Variants in NGEF observed in about 807,000 individuals in gnomAD.
NGEF encodes the protein ephexin-1.
A neutral mutation model predicts 80.9 loss-of-function variants in NGEF; 31 were observed. That is an observed-to-expected ratio of 0.38 (90% CI 0.29 to 0.52). The LOEUF is 0.52. Ranked by LOEUF, NGEF falls within the 20% of genes least tolerant of loss-of-function variation. The pLI is 0.84. For synonymous variants in NGEF, 371 were observed against 370.2 expected (o/e 1.00, Z -0.03); for missense variants, 709 against 926.2 (o/e 0.77, Z 3.04).
Position 232,888,112 on chromosome 2 carries a change from G to A in NGEF, c.1273-5C>T. ...TTCTACCCTCTTCAGGATGTTCTATGCACAGAGAAAGGCTGCGTTAACTTT... is the reference window on the plus strand; with the variant it reads ...TTCTACCCTCTTCAGGATGTTCTATACACAGAGAAAGGCTGCGTTAACTTT... On this transcript the variant is annotated splice_region_variant and splice_polypyrimidine_tract_variant and intron_variant, in intron 8 of 14. Transcript: ENST00000264051. 1 of 1,582,592 alleles carries A rather than the reference G, an allele frequency of 6.3e-7. No individual in the cohort carries two copies.
At chr2:232,952,856 C>T (rs1336177180) in intron 3 of NGEF, among the ~76,000 whole-genome samples, 1 of 150,286 alleles carries the variant, frequency 6.7e-6, no homozygotes, top group Non-Finnish European at 1.5e-5. Flanking sequence ...GTAATCCCAG[C>T]TACTCCAGAG....
intron 8 of NGEF, chr2:232,890,974 G>T: frequency 2.1e-6 from 1 of 475,066 alleles, no homozygotes; most frequent in Non-Finnish European, 4.4e-6. Flanking sequence ...TTCCCTCTGC[G>T]TGGAATGTTC....
At chr2:232,977,101 G>A (rs1317934839) in intron 1 of NGEF, among the ~76,000 whole-genome samples, 1 of 152,136 alleles carries the variant, frequency 6.6e-6, no homozygotes, top group African/African-American at 2.4e-5. Context: ...AGTTTAACCT[G>A]GGTCACTGAG....
chr2:232,951,559 C>T (rs1313964224), intron 3 of NGEF, among the ~76,000 whole-genome samples: 2 of 152,126 alleles, frequency 1.3e-5, no homozygotes, highest in African/African-American at 4.8e-5. Flanking sequence ...ATTGCGTGAC[C>T]GGCAGTGTCA....
chr2:232,901,083 C>G (rs938418289), intron 5 of NGEF, among the ~76,000 whole-genome samples: 8 of 152,354 alleles, frequency 5.3e-5, no homozygotes, highest in African/African-American at 1.9e-4. Flanking sequence ...CTGCAGGAAG[C>G]CAACCTGCTC....
At chr2:232,986,413 A>T (rs531110982) in intron 1 of NGEF, among the ~76,000 whole-genome samples, 2 of 152,366 alleles carry the variant, frequency 1.3e-5, no homozygotes, top group East Asian at 3.9e-4. Flanking sequence ...CTACACAACC[A>T]TGTTCATTAT....
chr2:232,919,017 A>G (rs1009144013), intron 5 of NGEF, among the ~76,000 whole-genome samples: 9 of 152,226 alleles, frequency 5.9e-5, no homozygotes, highest in African/African-American at 2.2e-4. Flanking sequence ...GAAGGATGTC[A>G]AAGTCTAAAC....
intron 5 of NGEF, among the ~76,000 whole-genome samples, chr2:232,899,044 GTGGATGTGT>G (rs1460394459): frequency 7.2e-6 from 1 of 138,078 alleles, no homozygotes; most frequent in Non-Finnish European, 1.7e-5. Flanking sequence ...GAGGGTGGGT[GTGGATGTGT>G]GGATGTGTGT....
intron 5 of NGEF, among the ~76,000 whole-genome samples, chr2:232,905,274 GTA>G (rs1692473090): frequency 6.6e-6 from 1 of 152,176 alleles, no homozygotes; most frequent in Non-Finnish European, 1.5e-5. Context: ...ACTGGTTTTC[GTA>G]TTTTTTTGGT....
intron 3 of NGEF, among the ~76,000 whole-genome samples, chr2:232,956,484 T>C (rs1244380113): frequency 6.6e-6 from 1 of 152,094 alleles, no homozygotes; most frequent in Non-Finnish European, 1.5e-5. Context: ...GAACCAGAAT[T>C]AGGCTGGGCA....
intron 3 of NGEF, among the ~76,000 whole-genome samples, chr2:232,945,566 G>A (rs539451614): frequency 3.9e-5 from 6 of 152,296 alleles, no homozygotes; most frequent in African/African-American, 1.4e-4. Flanking sequence ...TGCCAGCCAA[G>A]GAGTGCCAAG....
intron 1 of NGEF, among the ~76,000 whole-genome samples, chr2:233,009,288 A>G (rs1695154039): frequency 2.0e-5 from 3 of 152,112 alleles, no homozygotes; most frequent in Admixed American, 2.0e-4. Flanking sequence ...ATGTCTTTCT[A>G]TGCTTGGTTT....
At position 232,881,191 on chromosome 2, in the gene NGEF, G is replaced by C. The variant is rs1691491911; in HGVS notation, c.1897C>G (p.Leu633Val). 1 of 1,612,030 alleles carries C rather than the reference G, an allele frequency of 6.2e-7. No homozygotes were observed. The highest frequency in any genetic ancestry group is 2.2e-5 in the East Asian group (1 of 44,862). The change falls in exon 14 of 15, where the codon CTG becomes GTG. Residue 633 changes from leucine to valine, a missense_variant. Physicochemically the swap from Leu to Val is conservative, Grantham distance 32 (BLOSUM62 1). Coordinates refer to ENST00000264051, the MANE Select transcript of NGEF (RefSeq NM_019850.3). ...ATGTTGAGGATGTCGGCGAGCTCCAGCGTCAGCTCGTCTGGCTGCTGAGCC... is the reference window on the plus strand; with the variant it reads ...ATGTTGAGGATGTCGGCGAGCTCCACCGTCAGCTCGTCTGGCTGCTGAGCC... ...YVAQQPDELT[L>V]ELADILNILD... is the part of the protein sequence containing the mutation.
intron 14 of NGEF, 125 bp downstream of exon 14, chr2:232,881,021 G>A (rs1574981232): frequency 2.7e-6 from 2 of 728,008 alleles, no homozygotes; most frequent in East Asian, 2.6e-5. Context: ...AATGTCTCAG[G>A]GAGCAAGAGA....
At chr2:233,011,796 C>T (rs1574671107) in intron 1 of NGEF, among the ~76,000 whole-genome samples, 1 of 152,210 alleles carries the variant, frequency 6.6e-6, no homozygotes, top group South Asian at 2.1e-4. Flanking sequence ...GTGTCCCCAG[C>T]CCCACTGGGG....
chr2:232,948,746 A>G (rs959800970), intron 3 of NGEF, among the ~76,000 whole-genome samples: 1 of 152,194 alleles, frequency 6.6e-6, no homozygotes, highest in Admixed American at 6.5e-5. Context: ...GGCCAGGCAC[A>G]GTGGCTCACG....
At chr2:232,944,005 G>A (rs374772243) in intron 3 of NGEF, among the ~76,000 whole-genome samples, 1 of 151,800 alleles carries the variant, frequency 6.6e-6, no homozygotes, top group Non-Finnish European at 1.5e-5. Flanking sequence ...GGCCGAGGCC[G>A]GCGGATCACC....
chr2:232,881,070 T>G (rs1038515583), intron 14 of NGEF, 76 bp downstream of exon 14: 1 of 1,180,600 alleles, frequency 8.5e-7, no homozygotes, highest in Non-Finnish European at 1.2e-6. Flanking sequence ...TGGTGGCATC[T>G]GCTTCTCCCC....
intron 1 of NGEF, among the ~76,000 whole-genome samples, chr2:232,994,895 TA>T (rs1694745052): frequency 6.6e-6 from 1 of 150,734 alleles, no homozygotes; most frequent in Admixed American, 6.7e-5. Flanking sequence ...TACATGCATA[TA>T]ATACATACAT....
Sources: allele counts gnomAD v4.1 joint callset (sites outside exome capture counted in the v4.1 genomes callset), GRCh38; gene constraint gnomAD v4.1.1; transcripts MANE v1.5; gene names NCBI Gene and HGNC (gene_info 2026-07-23, HGNC 2026-07-21).